UXS1: variants seen among roughly 807,000 people sequenced by gnomAD.
UXS1 encodes the protein UDP-glucuronate decarboxylase 1, also known as UDP-glucuronic acid decarboxylase 1.
A neutral mutation model predicts 62.6 loss-of-function variants in UXS1; 33 were observed. That is an observed-to-expected ratio of 0.53 (90% confidence interval 0.40 to 0.70). UXS1 has a LOEUF of 0.70. Ranked by LOEUF, UXS1 falls within the 30% of genes least tolerant of loss-of-function variation. UXS1 has a pLI of 0.00. For synonymous variants in UXS1, 213 were observed against 206.8 expected (o/e 1.03, Z -0.26); for missense variants, 434 against 556.3 (o/e 0.78, Z 2.21).
At chr2:106,117,718 G>C (rs1261703723) in intron 9 of UXS1, among the ~76,000 whole-genome samples, 1 of 152,208 alleles carries the variant, frequency 6.6e-6, no homozygotes, top group East Asian at 1.9e-4. Flanking sequence ...GCTTCTCTCA[G>C]AGAAGTATAT....
chr2:106,165,056 T>C (rs1033585105), intron 2 of UXS1, among the ~76,000 whole-genome samples: 1 of 152,238 alleles, frequency 6.6e-6, no homozygotes, highest in Non-Finnish European at 1.5e-5. Context: ...ATCTCACTGC[T>C]ATGCTACATC....
chr2:106,104,881 C>T (rs191867580), intron 10 of UXS1, 44 bp from the exon 11 acceptor site: 27 of 1,612,778 alleles, frequency 1.7e-5, no homozygotes, highest in Middle Eastern at 1.7e-4. Context: ...AAACCACACC[C>T]GTCCTGCGTA....
chr2:106,096,935 G>T, intron 13 of UXS1, 114 bp from the exon 14 acceptor site: 1 of 1,044,636 alleles, frequency 9.6e-7, no homozygotes, highest in Non-Finnish European at 1.4e-6. Flanking sequence ...GGGTGCAGGC[G>T]GTGGAAATGC....
chr2:106,138,377 C>T lies in UXS1; in HGVS notation c.472+6813G>A, dbSNP rs867230737. The stretch of plus-strand genomic sequence containing the variant: ...CACTAGACGATGAGCTCACTGAGCA[C>T]AAGATGCAGGCCTTTCCCTTCCTGA... On this transcript the variant is annotated intron_variant, in intron 6 of 14. Coordinates refer to ENST00000283148, the MANE Select transcript of UXS1 (RefSeq NM_001253875.2). 54 of 985,464 alleles carry T rather than the reference C, an allele frequency of 5.5e-5. No individual in the cohort carries two copies. The Middle Eastern group carries it at 3.6e-3, about 66-fold the overall frequency. The allele number at this position is 985,464 out of a possible 1,614,324, so 61.0% of individuals were successfully genotyped here. A position where few individuals can be genotyped will look rare whatever the true frequency, so the allele number is the denominator to read the frequency against.
intron 10 of UXS1, 69 bp from the exon 11 acceptor site, chr2:106,104,906 T>C: frequency 6.3e-7 from 1 of 1,595,406 alleles, no homozygotes; most frequent in Non-Finnish European, 8.6e-7. Context: ...TCCTTGAAAC[T>C]CCAGGGGACA....
intron 7 of UXS1, among the ~76,000 whole-genome samples, chr2:106,126,428 G>A (rs1255138065): frequency 2.6e-5 from 4 of 152,152 alleles, no homozygotes; most frequent in South Asian, 2.1e-4. Context: ...ACTAGAGGGG[G>A]GCTGTGCTGG....
chr2:106,096,666 C>T (rs1219306055), intron 14 of UXS1, 52 bp downstream of exon 14: 1 of 1,487,524 alleles, frequency 6.7e-7, no homozygotes, highest in East Asian at 2.5e-5. Context: ...ACAGCAGACA[C>T]AGGACACGGG....
chr2:106,179,816 T>C (rs1237778364), intron 1 of UXS1, among the ~76,000 whole-genome samples: 1 of 151,958 alleles, frequency 6.6e-6, no homozygotes, highest in African/African-American at 2.4e-5. Context: ...TGTTGAAAGA[T>C]TTCCTCCACG....
chr2:106,164,662 G>T, intron 3 of UXS1, 74 bp downstream of exon 3: 3 of 1,183,792 alleles, frequency 2.5e-6, no homozygotes, highest in South Asian at 1.5e-5. Context: ...CAATAAGAAT[G>T]ACAGCACGAG....
chr2:106,109,445 T>C (rs946789306), intron 10 of UXS1, among the ~76,000 whole-genome samples: 2 of 152,162 alleles, frequency 1.3e-5, no homozygotes, highest in African/African-American at 2.4e-5. Flanking sequence ...TAAAATGATA[T>C]AGCACTGGAT....
chr2:106,174,029 T>C (rs1275273982), intron 1 of UXS1, among the ~76,000 whole-genome samples: 2 of 140,134 alleles, frequency 1.4e-5, no homozygotes, highest in Admixed American at 1.7e-4. Context: ...GGGAGTAGCG[T>C]GAAGATGGCT....
intron 9 of UXS1, among the ~76,000 whole-genome samples, chr2:106,114,722 CT>C (rs565460345): frequency 3.3e-4 from 50 of 152,176 alleles, no homozygotes; most frequent in Non-Finnish European, 6.3e-4. Flanking sequence ...CTTGCTGTGG[CT>C]TTTCTATTTG....
chr2:106,120,858 G>C (rs138885763), intron 9 of UXS1, among the ~76,000 whole-genome samples: 1 of 152,206 alleles, frequency 6.6e-6, no homozygotes, highest in African/African-American at 2.4e-5. Context: ...TCATGCCAAC[G>C]GAGTGACAGG....
At chr2:106,109,254 T>C (rs1178384907) in intron 10 of UXS1, among the ~76,000 whole-genome samples, 1 of 152,148 alleles carries the variant, frequency 6.6e-6, no homozygotes, top group Non-Finnish European at 1.5e-5. Context: ...CACCATACTT[T>C]AGTACCATTG....
chr2:106,095,509 T>C (rs1677001757), intron 14 of UXS1, among the ~76,000 whole-genome samples: 1 of 152,220 alleles, frequency 6.6e-6, no homozygotes, highest in Admixed American at 6.5e-5. Flanking sequence ...ACTATGCACA[T>C]TTTAAAAAGG....
chr2:106,145,276 C>A lies in UXS1; in HGVS notation c.386G>T (p.Gly129Val), dbSNP rs1381832172. ...CCAGTGCTCCACGTTTCTCTTCCTG[C>A]CCGTGAAGAAATTGTCCACCACGGT... is the stretch of plus-strand genomic sequence containing the variant. ...EVTVVDNFFT[G>V]RKRNVEHWIG... Residue 129 changes from glycine (G) to valine (V), a missense_variant, in exon 6 of 15, where the codon GGC (glycine) becomes GTC (valine). By Grantham distance (109) the Gly-to-Val change is moderately radical. Transcript: ENST00000283148. 1 of 1,613,980 alleles carries A rather than the reference C, an allele frequency of 6.2e-7. No individual in the cohort carries two copies. The highest frequency in any genetic ancestry group is 2.2e-5 in the East Asian group (1 of 44,874).
At chr2:106,177,827 G>C (rs1350121498) in intron 1 of UXS1, among the ~76,000 whole-genome samples, 1 of 152,132 alleles carries the variant, frequency 6.6e-6, no homozygotes, top group Non-Finnish European at 1.5e-5. Context: ...CTGCAGCCTG[G>C]GGTAGGACAG....
intron 5 of UXS1, among the ~76,000 whole-genome samples, chr2:106,147,027 G>T (rs1284850448): frequency 6.6e-6 from 1 of 151,850 alleles, no homozygotes; most frequent in East Asian, 2.0e-4. Context: ...TGTAATCCCA[G>T]CTACTATGGT....
intron 10 of UXS1, among the ~76,000 whole-genome samples, chr2:106,112,443 G>A (rs919117148): frequency 1.3e-5 from 2 of 152,230 alleles, no homozygotes; most frequent in Non-Finnish European, 2.9e-5. Flanking sequence ...GCCATGGAGG[G>A]CAAGGTGACT....
Sources: allele counts gnomAD v4.1 joint callset (sites outside exome capture counted in the v4.1 genomes callset), GRCh38; gene constraint gnomAD v4.1.1; transcripts MANE v1.5; gene names NCBI Gene and HGNC (gene_info 2026-07-23, HGNC 2026-07-21).